The following SPSB1 variants were observed in gnomAD, a reference collection of about 807,000 sequenced individuals.
The protein encoded by SPSB1 is SPRY domain-containing SOCS box protein 1.
In SPSB1, 8 loss-of-function variants were observed where a neutral mutation model predicts 21.2. The observed-to-expected ratio is 0.38, with a 90% CI of 0.22 to 0.68. The LOEUF is 0.68. SPSB1 is among the 30% of genes least tolerant of loss of function. The pLI is 0.53. For missense variants in SPSB1, 242 were observed against 377.8 expected, an observed-to-expected ratio of 0.64 and a Z score of 2.98; for synonymous variants, 169 against 161.7, an observed-to-expected ratio of 1.05 and a Z score of -0.34.
chr1:9,364,543 C>T (rs146567168), intron 2 of SPSB1, among the ~76,000 whole-genome samples: 3 of 152,276 alleles, frequency 2.0e-5, no homozygotes, highest in South Asian at 2.1e-4. Flanking sequence ...TGTGAGGAGC[C>T]GGGTGGGTGG....
intron 1 of SPSB1, among the ~76,000 whole-genome samples, chr1:9,309,490 A>T (rs1004000328): frequency 2.0e-5 from 3 of 152,030 alleles, no homozygotes; most frequent in African/African-American, 7.3e-5. Flanking sequence ...GCTAATTTTT[A>T]AAAGTTTTTG....
intron 1 of SPSB1, among the ~76,000 whole-genome samples, chr1:9,295,532 G>A (rs1333471735): frequency 6.6e-6 from 1 of 152,174 alleles, no homozygotes; most frequent in Non-Finnish European, 1.5e-5. Flanking sequence ...TTGGGCTGCT[G>A]TAGTAAGGCT....
chr1:9,350,573 CGTGTGTGCAT>C (rs759622237), intron 1 of SPSB1, among the ~76,000 whole-genome samples: 5 of 152,186 alleles, frequency 3.3e-5, no homozygotes, highest in East Asian at 3.9e-4. Context: ...ACAGTGTACA[CGTGTGTGCAT>C]GTGTGTGCAT....
rs1639718238 is a variant in SPSB1 at position 9,321,263 on chromosome 1, G to A, written c.-150+28192G>A. 6.6e-6 allele frequency among the ~76,000 whole-genome samples: 1 copy of A among 152,172 alleles called. No homozygotes were observed. The highest frequency in any genetic ancestry group is 1.5e-5 in the Non-Finnish European group (1 of 68,032). On this transcript the variant is annotated intron_variant, in intron 1 of 2. Coordinates refer to ENST00000328089, the MANE Select transcript of SPSB1 (RefSeq NM_025106.4). This position sits in a 1 kb window ranked among gnomAD's most constrained non-coding sequence, Gnocchi z 4.8. ...TGGGGCTTAGCTGACTCCTTCGAGC[G>A]TCGAGTTTCTGGGTTGATGGCACAT...
intron 1 of SPSB1, among the ~76,000 whole-genome samples, chr1:9,296,619 T>TGCACACACAC (rs1639230867): frequency 2.1e-5 from 1 of 47,686 alleles, no homozygotes; most frequent in Non-Finnish European, 6.1e-5. Context: ...CACACACATA[T>TGCACACACAC]ATGCACACAT....
chr1:9,295,016 A>G (rs1639194476), intron 1 of SPSB1, among the ~76,000 whole-genome samples: 2 of 151,790 alleles, frequency 1.3e-5, no homozygotes, highest in African/African-American at 4.8e-5. Flanking sequence ...GTGGACCAAG[A>G]CTCCCCAGTC....
intron 1 of SPSB1, among the ~76,000 whole-genome samples, chr1:9,322,928 G>A (rs974644789): frequency 8.2e-5 from 12 of 146,806 alleles, no homozygotes; most frequent in East Asian, 2.2e-4. Context: ...TGCGTCAGAC[G>A]TCTGGGCTTG....
chr1:9,313,590 C>T (rs1639561029), intron 1 of SPSB1, among the ~76,000 whole-genome samples: 2 of 152,054 alleles, frequency 1.3e-5, no homozygotes, highest in Admixed American at 1.3e-4. Context: ...AGGGGTGGGC[C>T]CGGGCTGCTG....
In SPSB1 at chr1:9,309,263, A is replaced by G. The variant is rs546414913; in HGVS notation, c.-150+16192A>G. ...TCAATTCCTGTGTGCTCCCCTGCGG[A>G]GAGAGAGAGAGAGAGAGTGTGAGAG... On this transcript the variant is annotated intron_variant, in intron 1 of 2. Transcript: ENST00000328089. 3.1e-3 allele frequency among the ~76,000 whole-genome samples: 412 copies of G among 132,696 alleles called. 1 individual carries two copies. The highest frequency in any genetic ancestry group is 0.015 in the Middle Eastern group (4 of 262). The allele number at this position is 132,696 out of a possible 152,430, so 87.1% of individuals were successfully genotyped here. A position where few individuals can be genotyped will look rare whatever the true frequency, so the allele number is the denominator to read the frequency against.
chr1:9,331,567 G>T (rs1401337988), intron 1 of SPSB1, among the ~76,000 whole-genome samples: 1 of 152,116 alleles, frequency 6.6e-6, no homozygotes, highest in Non-Finnish European at 1.5e-5. Context: ...CCTGACCTCA[G>T]TTGATCCACT....
chr1:9,337,430 G>GA (rs1640021270), intron 1 of SPSB1, among the ~76,000 whole-genome samples: 1 of 151,976 alleles, frequency 6.6e-6, no homozygotes, highest in Non-Finnish European at 1.5e-5. Flanking sequence ...CACCTAGCCA[G>GA]TGAGATTGTT....
intron 1 of SPSB1, among the ~76,000 whole-genome samples, chr1:9,299,490 T>C (rs541736712): frequency 2.4e-4 from 34 of 142,172 alleles, no homozygotes; most frequent in East Asian, 1.4e-3. Flanking sequence ...CTCTCTCTCT[T>C]TTTTTGAGAT....
chr1:9,331,863 T>C (rs1281694326), intron 1 of SPSB1, among the ~76,000 whole-genome samples: 1 of 152,072 alleles, frequency 6.6e-6, no homozygotes, highest in African/African-American at 2.4e-5. Flanking sequence ...CCATGGGAGG[T>C]TGAGCTTCTT....
At chr1:9,309,301 AGTGTGT>A (rs35952855) in intron 1 of SPSB1, among the ~76,000 whole-genome samples, 105 of 133,088 alleles carry the variant, frequency 7.9e-4, no homozygotes, top group Middle Eastern at 3.9e-3. Flanking sequence ...AGAGAGAGAG[AGTGTGT>A]GTGTGTGTGT....
chr1:9,361,080 C>A (rs186290644), intron 2 of SPSB1, among the ~76,000 whole-genome samples: 1 of 150,310 alleles, frequency 6.7e-6, no homozygotes, highest in African/African-American at 2.4e-5. Context: ...CTGGTGAGAT[C>A]GAATCCCAGG....
intron 1 of SPSB1, among the ~76,000 whole-genome samples, chr1:9,336,883 G>A (rs1009424792): frequency 2.6e-5 from 4 of 152,180 alleles, no homozygotes; most frequent in Non-Finnish European, 2.9e-5. Flanking sequence ...AGGCGGGTAC[G>A]GGTGAGTTTG....
At chr1:9,366,577 CTTT>C (rs35877709) in intron 2 of SPSB1, among the ~76,000 whole-genome samples, 1 of 135,522 alleles carries the variant, frequency 7.4e-6, no homozygotes, top group African/African-American at 2.8e-5. Context: ...GTCCTCAGTT[CTTT>C]TTTTTTTTTT....
At chr1:9,347,104 G>A (rs1640177244) in intron 1 of SPSB1, among the ~76,000 whole-genome samples, 1 of 152,246 alleles carries the variant, frequency 6.6e-6, no homozygotes, top group South Asian at 2.1e-4. Flanking sequence ...AATTGCTTGA[G>A]CCTCGTAGTT....
In SPSB1 at chr1:9,348,514, TG is replaced by T. The variant is rs892926634; in HGVS notation, c.-149-7225del. 2.6e-5 allele frequency among the ~76,000 whole-genome samples: 4 copies of T among 151,980 alleles called. No homozygotes were observed. The highest frequency in any genetic ancestry group is 9.7e-5 in the African/African-American group (4 of 41,374). ...TCTAGGACTCCCAAACAGTGCACTTTGGGGATGCTTTTGACTCCTCCCCATC... is the reference window on the plus strand; with the variant it reads ...TCTAGGACTCCCAAACAGTGCACTTTGGGATGCTTTTGACTCCTCCCCATC... On this transcript the variant is annotated intron_variant, in intron 1 of 2. Coordinates refer to ENST00000328089, the MANE Select transcript of SPSB1 (RefSeq NM_025106.4). The surrounding 1 kb of genome is among the most constrained non-coding windows in gnomAD (Gnocchi z 4.8).
Sources: gnomAD v4.1 joint callset for allele counts (sites outside exome capture counted in the v4.1 genomes callset) on GRCh38, gnomAD v4.1.1 for gene constraint, Gnocchi (gnomAD v3.1) non-coding constraint, MANE v1.5 for transcripts, NCBI Gene and HGNC (gene_info 2026-07-23, HGNC 2026-07-21) for gene names.